The following CSMD3 variants were observed in gnomAD, a reference collection of about 807,000 sequenced individuals.
The protein encoded by CSMD3 is CUB and Sushi multiple domains 3.
In CSMD3, 177 loss-of-function variants were observed where a neutral mutation model predicts 435.2. The ratio of observed to expected loss-of-function variants is 0.41; its 90% confidence interval spans 0.36 to 0.46. The LOEUF (loss-of-function observed/expected upper bound fraction) is 0.46. Among genes scored for constraint, CSMD3 ranks in the 20% least tolerant of loss-of-function variants. CSMD3 has a pLI of 0.34. For synonymous variants in CSMD3, 1,656 were observed against 1,520.5 expected, an observed-to-expected ratio of 1.09 and a Z score of -2.07; for missense variants, 4,265 against 4,504.6, an observed-to-expected ratio of 0.95 and a Z score of 1.52.
intron 58 of CSMD3, among the ~76,000 whole-genome samples, chr8:112,281,660 G>T (rs117569860): frequency 6.6e-6 from 1 of 152,064 alleles, no homozygotes; most frequent in Non-Finnish European, 1.5e-5. Context: ...ATCTTTTAGA[G>T]AAGGATTATA....
chr8:112,516,832 A>T (rs534273192), intron 28 of CSMD3, among the ~76,000 whole-genome samples: 1 of 152,132 alleles, frequency 6.6e-6, no homozygotes, highest in East Asian at 1.9e-4. Context: ...GCATTGAAAA[A>T]ATTAATGAAA....
At chr8:112,744,097 A>T (rs900288267) in intron 13 of CSMD3, among the ~76,000 whole-genome samples, 4 of 151,704 alleles carry the variant, frequency 2.6e-5, no homozygotes, top group African/African-American at 9.7e-5. Flanking sequence ...ATGAACATTT[A>T]AAAAAATTGT....
At chr8:112,960,585 A>G (rs2084190314) in intron 7 of CSMD3, among the ~76,000 whole-genome samples, 1 of 151,818 alleles carries the variant, frequency 6.6e-6, no homozygotes, top group Admixed American at 6.6e-5. Context: ...ATTTCAAAAT[A>G]TGTTTAAAAT....
chr8:113,066,593 A>C (rs2088870402), intron 5 of CSMD3, among the ~76,000 whole-genome samples: 1 of 152,088 alleles, frequency 6.6e-6, no homozygotes. Context: ...ATCAGAGAAA[A>C]ATATACAGTA....
intron 11 of CSMD3, among the ~76,000 whole-genome samples, chr8:112,835,026 G>C (rs902818896): frequency 6.6e-6 from 1 of 151,584 alleles, no homozygotes; most frequent in Non-Finnish European, 1.5e-5. Context: ...ATTGTGAAAT[G>C]GTAATTCCAA....
intron 13 of CSMD3, among the ~76,000 whole-genome samples, chr8:112,792,165 A>G (rs1432349842): frequency 6.6e-6 from 1 of 152,154 alleles, no homozygotes; most frequent in Non-Finnish European, 1.5e-5. Flanking sequence ...ACTTTTGATG[A>G]TCAAATACTT....
chr8:112,788,333 T>C (rs1263287181), intron 13 of CSMD3, among the ~76,000 whole-genome samples: 1 of 152,044 alleles, frequency 6.6e-6, no homozygotes, highest in East Asian at 1.9e-4. Context: ...TTCAGCTTTA[T>C]CTAGTACTAC....
intron 1 of CSMD3, among the ~76,000 whole-genome samples, chr8:113,324,786 A>G (rs1400441327): frequency 6.6e-6 from 1 of 152,184 alleles, no homozygotes; most frequent in Non-Finnish European, 1.5e-5. Context: ...AAAGCCACAG[A>G]CACTCAATAC....
At chr8:112,750,278 A>G (rs1260166976) in intron 13 of CSMD3, among the ~76,000 whole-genome samples, 1 of 151,520 alleles carries the variant, frequency 6.6e-6, no homozygotes, top group Non-Finnish European at 1.5e-5. Flanking sequence ...ATATTATTGT[A>G]TAAAATGTAT....
intron 28 of CSMD3, among the ~76,000 whole-genome samples, chr8:112,515,964 T>C (rs1431184926): frequency 6.6e-6 from 1 of 152,100 alleles, no homozygotes; most frequent in Non-Finnish European, 1.5e-5. Flanking sequence ...ACACAGTTAA[T>C]GACTAATGAA....
chr8:113,001,621 G>A (rs2085867350), intron 6 of CSMD3, among the ~76,000 whole-genome samples: 1 of 151,898 alleles, frequency 6.6e-6, no homozygotes, highest in Admixed American at 6.6e-5. Flanking sequence ...GTTTTCAAAT[G>A]TAAGATTCCT....
intron 23 of CSMD3, among the ~76,000 whole-genome samples, chr8:112,574,250 T>C (rs1829765218): frequency 6.6e-6 from 1 of 152,044 alleles, no homozygotes; most frequent in Admixed American, 6.6e-5. Context: ...TCTGAAAGTA[T>C]AACTGCTTAT....
intron 10 of CSMD3, among the ~76,000 whole-genome samples, chr8:112,895,239 C>A (rs2130371060): frequency 6.6e-6 from 1 of 151,270 alleles, no homozygotes; most frequent in East Asian, 2.0e-4. Flanking sequence ...ATTATAAAAG[C>A]ATAATTATTT....
chr8:112,361,275 A>C (rs1205350250), intron 38 of CSMD3, among the ~76,000 whole-genome samples: 1 of 151,696 alleles, frequency 6.6e-6, no homozygotes, highest in South Asian at 2.1e-4. Context: ...CTGCTGTTGT[A>C]GCCAAAAAAA....
intron 3 of CSMD3, among the ~76,000 whole-genome samples, chr8:113,254,889 C>A (rs2093366756): frequency 6.6e-6 from 1 of 152,064 alleles, no homozygotes; most frequent in Admixed American, 6.5e-5. Context: ...ACTTGGCATT[C>A]ATTCAGTTAT....
intron 32 of CSMD3, among the ~76,000 whole-genome samples, chr8:112,449,935 G>T (rs1385109642): frequency 6.6e-6 from 1 of 152,108 alleles, no homozygotes; most frequent in African/African-American, 2.4e-5. Flanking sequence ...TGTTGGCCAG[G>T]CTGGTCTTGA....
chr8:113,253,829 C>A (rs1235323300), intron 3 of CSMD3, among the ~76,000 whole-genome samples: 2 of 149,346 alleles, frequency 1.3e-5, no homozygotes, highest in African/African-American at 4.9e-5. Flanking sequence ...CAGAGTGAGA[C>A]TCCGTCTGAA....
intron 1 of CSMD3, among the ~76,000 whole-genome samples, chr8:113,340,275 C>T (rs1025503611): frequency 3.9e-5 from 6 of 152,026 alleles, no homozygotes; most frequent in Admixed American, 3.3e-4. Flanking sequence ...ACCTCCTGAA[C>T]AAAAAATGAG....
At chr8:112,785,587 A>C (rs1351245818) in intron 13 of CSMD3, among the ~76,000 whole-genome samples, 1 of 152,130 alleles carries the variant, frequency 6.6e-6, no homozygotes, top group East Asian at 1.9e-4. Context: ...ATCAACAGGC[A>C]AAAATCAGTA....
Sources: gnomAD v4.1 joint callset for allele counts (sites outside exome capture counted in the v4.1 genomes callset) on GRCh38, gnomAD v4.1.1 for gene constraint, MANE v1.5 for transcripts, NCBI Gene and HGNC (gene_info 2026-07-23, HGNC 2026-07-21) for gene names.